Variants in NECAB3 observed in about 807,000 individuals in gnomAD.
NECAB3 encodes the protein N-terminal EF-hand calcium-binding protein 3.
NECAB3 carries 38 observed loss-of-function variants against 57.2 expected under a neutral mutation model. That is an observed-to-expected ratio of 0.66 (90% CI 0.51 to 0.87). NECAB3 has a LOEUF of 0.87. NECAB3 is among the 40% of genes least tolerant of loss of function. The pLI is 0.00. For missense variants in NECAB3, 474 were observed against 527.5 expected (o/e 0.90, Z 0.99); for synonymous variants, 223 against 222.6 (o/e 1.00, Z -0.02).
At chr20:33,668,184 G>A in intron 5 of NECAB3, 1 of 1,610,992 alleles carries the variant, frequency 6.2e-7, no homozygotes, top group Non-Finnish European at 8.5e-7. Flanking sequence ...GGATAACTCG[G>A]GCCATGTACC....
At chr20:33,667,922 C>T (rs753115770) in intron 5 of NECAB3, 2 of 1,564,490 alleles carry the variant, frequency 1.3e-6, no homozygotes, top group African/African-American at 1.4e-5. Context: ...GGGCTGCCCG[C>T]GCTGGCCTTC....
intron 5 of NECAB3, chr20:33,668,295 C>A (rs1361207385): frequency 6.2e-5 from 95 of 1,526,180 alleles, no homozygotes; most frequent in Non-Finnish European, 8.3e-5. Flanking sequence ...TCTAAAGAGT[C>A]AAGTGTTTGG....
intron 5 of NECAB3, chr20:33,668,397 G>GTCCCAAAT: frequency 9.9e-7 from 1 of 1,012,378 alleles, no homozygotes; most frequent in Non-Finnish European, 1.4e-6. Context: ...GGACCCATGG[G>GTCCCAAAT]ACCCTCATTT....
At chr20:33,663,655 G>A in intron 5 of NECAB3, 2 of 1,595,162 alleles carry the variant, frequency 1.3e-6, no homozygotes, top group Non-Finnish European at 1.7e-6. Context: ...GCGCGGAGCG[G>A]GCGAAGGTAG....
At chr20:33,669,289 C>CT (rs760078940) in intron 5 of NECAB3, 86 bp downstream of exon 5, 2 of 1,424,868 alleles carry the variant, frequency 1.4e-6, no homozygotes, top group South Asian at 2.3e-5. Context: ...CTCTATAACC[C>CT]TGAGTCAAGA....
intron 5 of NECAB3, chr20:33,663,494 G>C (rs1020107727): frequency 6.9e-6 from 11 of 1,585,422 alleles, no homozygotes; most frequent in Admixed American, 3.4e-5. Flanking sequence ...CTCGGCCCTA[G>C]CGCGCTCTCC....
chr20:33,658,049 C>T lies in NECAB3; in HGVS notation c.1071-16G>A. 1 of 1,548,346 alleles carries T rather than the reference C, an allele frequency of 6.5e-7. No homozygotes were observed. Among genetic ancestry groups the T allele is most frequent in the Non-Finnish European group, 8.7e-7 (1 of 1,145,672 alleles). The stretch of plus-strand genomic sequence containing the variant: ...CTGCTGGTGCCTGCAGAGACCCAGG[C>T]TACAGTGACCTCGCTCTCCCCACTC... On this transcript the variant is annotated splice_polypyrimidine_tract_variant and intron_variant, in intron 10 of 11. Coordinates refer to ENST00000246190, the MANE Select transcript of NECAB3 (RefSeq NM_031232.4).
At chr20:33,666,828 T>G (rs1285329476) in intron 5 of NECAB3, 1 of 152,402 alleles carries the variant, frequency 6.6e-6, no homozygotes, top group African/African-American at 2.4e-5. Flanking sequence ...GCCTCAGGCC[T>G]AGGAACTAGC....
chr20:33,668,131 G>A lies in NECAB3; in HGVS notation c.387+1244C>T, dbSNP rs753786823. 13 of 1,611,120 alleles carry A rather than the reference G, an allele frequency of 8.1e-6. No individual in the cohort carries two copies. In the South Asian group the frequency reaches 1.2e-4, roughly 15 times the overall value. ...TGGGCGTGGCATGGCTGTGTGGACCGGCGGCTCCATGGTGGCCTCCCTGCA... is the reference window on the plus strand; with the variant it reads ...TGGGCGTGGCATGGCTGTGTGGACCAGCGGCTCCATGGTGGCCTCCCTGCA... On this transcript the variant is annotated intron_variant, in intron 5 of 11. Coordinates refer to ENST00000246190, the MANE Select transcript of NECAB3 (RefSeq NM_031232.4).
rs930366988 is a variant in NECAB3 at position 33,660,578 on chromosome 20, C to T, written c.388-183G>A. 1.3e-5 allele frequency among the ~76,000 whole-genome samples: 2 copies of T among 152,132 alleles called. No homozygotes were observed. The highest frequency in any genetic ancestry group is 4.1e-4 in the South Asian group (2 of 4,828). On this transcript the variant is annotated intron_variant, in intron 5 of 11. Transcript: ENST00000246190. The surrounding 1 kb of genome is among the most constrained non-coding windows in gnomAD (Gnocchi z 4.1). ...GGGAGGGTCTGGATCCCTCCTTGTC[C>T]GGGACTGGCCTCCCTCCCCGGAGGT...
rs2017808677 is a variant in NECAB3 at position 33,670,590 on chromosome 20, C to T, written c.263+94G>A. 8.0e-6 allele frequency: 7 copies of T among 873,198 alleles called. No individual in the cohort carries two copies. In the South Asian group the frequency reaches 8.4e-5, roughly 10 times the overall value. 54.1% of individuals were successfully genotyped at this position (873,198 alleles called of 1,614,324 possible). ...GGTACCTTTCTCCCTGCCCCCTCTT[C>T]CTCATCCTACAAAAGGAACCAAGGC... On this transcript the variant is annotated intron_variant, in intron 3 of 11. Transcript: ENST00000246190.
At chr20:33,675,059 C>A (rs906757703), upstream of NECAB3, among the ~76,000 whole-genome samples, 12 of 151,860 alleles carry the variant, frequency 7.9e-5, no homozygotes, top group Admixed American at 2.6e-4. Context: ...ACCACTCTGA[C>A]CCTCACCTCA....
intron 1 of NECAB3, among the ~76,000 whole-genome samples, 198 bp from the exon 2 acceptor site, chr20:33,672,620 A>G (rs779587365): frequency 6.6e-6 from 1 of 152,178 alleles, no homozygotes; most frequent in Non-Finnish European, 1.5e-5. Flanking sequence ...AAGAGCACGC[A>G]GCGGGTGCCA....
At chr20:33,670,842 G>T in intron 2 of NECAB3, 50 bp from the exon 3 acceptor site, 1 of 1,400,084 alleles carries the variant, frequency 7.1e-7, no homozygotes, top group South Asian at 1.2e-5. Flanking sequence ...CCCTGACCCT[G>T]ACTGCACCCC....
Position 33,672,228 on chromosome 20 carries a change from T to G in NECAB3, c.154+170A>C, listed in dbSNP as rs551440596. The G allele has an allele frequency of 4.8e-5, 37 of 768,636 alleles. No homozygotes were observed. In the African/African-American group the frequency reaches 5.9e-4, roughly 12 times the overall value. The allele number at this position is 768,636 out of a possible 1,614,324, so 47.6% of individuals were successfully genotyped here. A position where few individuals can be genotyped will look rare whatever the true frequency, so the allele number is the denominator to read the frequency against. ...TCTCCACTCTCCATCCTGCCAAACT[T>G]GGCTGAGAACAGCACTTCCTCTGGG... On this transcript the variant is annotated intron_variant, in intron 2 of 11. Coordinates refer to ENST00000246190, the MANE Select transcript of NECAB3 (RefSeq NM_031232.4).
chr20:33,662,638 C>T, intron 5 of NECAB3: 1 of 801,720 alleles, frequency 1.2e-6, no homozygotes, highest in East Asian at 2.8e-5. Flanking sequence ...TCCCAGGAGC[C>T]CATATGGGTG....
intron 9 of NECAB3, 29 bp from the exon 10 acceptor site, chr20:33,658,583 G>A: frequency 1.2e-6 from 2 of 1,613,052 alleles, no homozygotes; most frequent in South Asian, 2.2e-5. Context: ...GGGCAGGCCA[G>A]GCCAGGGCTG....
In NECAB3 at chr20:33,667,840, T is replaced by C. The variant is rs745821823; in HGVS notation, c.387+1535A>G. 4 of 1,610,692 alleles carry C rather than the reference T, an allele frequency of 2.5e-6. No individual in the cohort carries two copies. The East Asian group carries it at 6.7e-5, about 27-fold the overall frequency. ...CAGCGTGGGTAACGGGTGCTGCGTC[T>C]GCCTCAGCAGTGAGCGCTTCCGCTG... On this transcript the variant is annotated intron_variant, in intron 5 of 11. Coordinates refer to ENST00000246190, the MANE Select transcript of NECAB3 (RefSeq NM_031232.4).
rs183841365 is a variant in NECAB3 at position 33,659,963 on chromosome 20, C to T, written c.565G>A (p.Gly189Ser). ...GCTCGGCGTCCTGCCCGCCGGCTGCCGCAGAGCCTGCTCTGCGCCTCCACG... is the reference window on the plus strand; with the variant it reads ...GCTCGGCGTCCTGCCCGCCGGCTGCTGCAGAGCCTGCTCTGCGCCTCCACG... Reference protein sequence around the residue: ...ESVEAQSRLCGSRRAGRRALR... With the variant: ...ESVEAQSRLCSSRRAGRRALR... Residue 189 changes from glycine to serine, a missense_variant, in exon 7 of 12, where the codon GGC (glycine) becomes AGC (serine). Physicochemically the swap from Gly to Ser is moderately conservative, Grantham distance 56 (BLOSUM62 0). Transcript: ENST00000246190. 2.7e-4 allele frequency: 423 copies of T among 1,562,136 alleles called. 2 individuals are homozygous for T. The highest frequency in any genetic ancestry group is 1.6e-3 in the African/African-American group (117 of 74,230).
Sources: gnomAD v4.1 joint callset for allele counts (sites outside exome capture counted in the v4.1 genomes callset) on GRCh38, gnomAD v4.1.1 for gene constraint, Gnocchi (gnomAD v3.1) non-coding constraint, MANE v1.5 for transcripts, NCBI Gene and HGNC (gene_info 2026-07-23, HGNC 2026-07-21) for gene names.